FAM114A1: variants seen among roughly 807,000 people sequenced by gnomAD.
The protein encoded by FAM114A1 is protein NOXP20.
A neutral mutation model predicts 64.3 loss-of-function variants in FAM114A1; 62 were observed. That is an observed-to-expected ratio of 0.96 (90% CI 0.79 to 1.19). The LOEUF (loss-of-function observed/expected upper bound fraction) is 1.19. Ranked by LOEUF, FAM114A1 falls within the 50% of genes most tolerant of loss-of-function variation. FAM114A1 has a pLI of 0.00. For synonymous variants in FAM114A1, 254 were observed against 251.1 expected (o/e 1.01, Z -0.11); for missense variants, 645 against 676.3 (o/e 0.95, Z 0.51).
chr4:38,906,404 T>G (rs1718010623), intron 6 of FAM114A1, among the ~76,000 whole-genome samples: 1 of 152,160 alleles, frequency 6.6e-6, no homozygotes, highest in Admixed American at 6.5e-5. Flanking sequence ...CCTAGATCCC[T>G]GCCTACCTCT....
Position 38,931,473 on chromosome 4 carries a change from G to C in FAM114A1, c.1184G>C (p.Trp395Ser), listed in dbSNP as rs543980796. 63 of 1,613,782 alleles carry C rather than the reference G, an allele frequency of 3.9e-5. 1 individual carries two copies. The South Asian group carries it at 6.7e-4, about 17-fold the overall frequency. The change falls in exon 11 of 15, where the codon TGG becomes TCG. Residue 395 changes from tryptophan to serine, a missense_variant. Trp to Ser is a radical substitution (Grantham distance 177). Coordinates refer to ENST00000358869, the MANE Select transcript of FAM114A1 (RefSeq NM_138389.4). ...LNKAMKRAHD[W>S]VEEDQTVVSV... ...CAGGCCATGAAGAGGGCTCATGACT[G>C]GGTGGAAGAGGATCAAACCGTGGTG...
At chr4:38,929,481 T>G (rs1720450543) in intron 10 of FAM114A1, 148 bp downstream of exon 10, 2 of 641,334 alleles carry the variant, frequency 3.1e-6, no homozygotes, top group Non-Finnish European at 5.3e-6. Context: ...AGGTCAGTAA[T>G]TAAGATTTGA....
chr4:38,927,436 C>CT (rs1560326775), intron 9 of FAM114A1, among the ~76,000 whole-genome samples: 1 of 152,090 alleles, frequency 6.6e-6, no homozygotes, highest in African/African-American at 2.4e-5. Context: ...CCTGGGGCCT[C>CT]TTTTTTTAGG....
intron 2 of FAM114A1, among the ~76,000 whole-genome samples, chr4:38,872,163 A>G (rs1450643917): frequency 6.6e-6 from 1 of 152,250 alleles, no homozygotes; most frequent in Non-Finnish European, 1.5e-5. Flanking sequence ...TGAACCCTCT[A>G]AAAAGAGGTG....
rs572063712 is a variant in FAM114A1, at chr4:38,910,330, A to C, written c.792+1604A>C. Reference sequence around the variant, plus strand: ...GAAAGAACAACCACCCCTAAGTATCAGTGTGGCTTAGAACAAAAAGGTTTA... The same window carrying C: ...GAAAGAACAACCACCCCTAAGTATCCGTGTGGCTTAGAACAAAAAGGTTTA... On this transcript the variant is annotated intron_variant, in intron 7 of 14. Coordinates refer to ENST00000358869, the MANE Select transcript of FAM114A1 (RefSeq NM_138389.4). Among the ~76,000 whole-genome samples, 56 of 152,300 alleles carry C rather than the reference A, an allele frequency of 3.7e-4. 1 individual carries two copies. Among genetic ancestry groups the C allele is most frequent in the African/African-American group, 1.3e-3 (56 of 41,568 alleles).
At chr4:38,915,165 A>C in intron 8 of FAM114A1, 92 bp downstream of exon 8, 44 of 1,476,638 alleles carry the variant, frequency 3.0e-5, no homozygotes, top group Non-Finnish European at 3.8e-5. Context: ...AAAAGATCTC[A>C]TTTTTAGAGC....
At chr4:38,942,048 A>G (rs1426763034) in intron 14 of FAM114A1, among the ~76,000 whole-genome samples, 1 of 152,214 alleles carries the variant, frequency 6.6e-6, no homozygotes, top group Admixed American at 6.5e-5. Context: ...GAGCTTGTGC[A>G]GAGAAACTCC....
rs916430294 is a variant in FAM114A1 at position 38,880,144 on chromosome 4, A to G, written c.348+1718A>G. On this transcript the variant is annotated intron_variant, in intron 3 of 14. Transcript: ENST00000358869. ...AGAATAGAATAGAATAGAATAGAAT[A>G]GAATAGAATAGAATAGAATAGAATA... is the stretch of plus-strand genomic sequence containing the variant. Among the ~76,000 whole-genome samples, 29 of 113,426 alleles carry G rather than the reference A, an allele frequency of 2.6e-4. 2 individuals are homozygous for G. The South Asian group carries it at 3.6e-3, about 14-fold the overall frequency. 74.4% of individuals were successfully genotyped at this position (113,426 alleles called of 152,430 possible).
intron 8 of FAM114A1, among the ~76,000 whole-genome samples, chr4:38,916,633 G>A (rs552472786): frequency 6.6e-6 from 1 of 152,064 alleles, no homozygotes; most frequent in South Asian, 2.1e-4. Context: ...CACAGGGAGG[G>A]GAACATCACA....
intron 14 of FAM114A1, among the ~76,000 whole-genome samples, chr4:38,941,426 T>G (rs902331039): frequency 6.6e-6 from 1 of 152,218 alleles, no homozygotes; most frequent in African/African-American, 2.4e-5. Context: ...CTGGGTCTAA[T>G]GTCCAAGCTG....
At chr4:38,872,869 TCCAATA>T (rs1210535893) in intron 2 of FAM114A1, among the ~76,000 whole-genome samples, 5 of 152,308 alleles carry the variant, frequency 3.3e-5, no homozygotes, top group African/African-American at 1.2e-4. Flanking sequence ...GTATCTCTGG[TCCAATA>T]AAACTGTGTT....
intron 10 of FAM114A1, among the ~76,000 whole-genome samples, chr4:38,931,034 G>T (rs993721957): frequency 7.5e-4 from 114 of 152,258 alleles, no homozygotes; most frequent in Middle Eastern, 3.4e-3. Flanking sequence ...TATATCAGAT[G>T]AGGACATTTG....
rs774424186 is a variant in FAM114A1, at chr4:38,878,395, C to A, written c.317C>A (p.Ser106Tyr). ...GTCAGCCTTGAGGCAGAACCCAGAT[C>A]CGAAATACCCCTGCAAGAACAGAAT... ...DSVSLEAEPR[S>Y]EIPLQEQNYL... Residue 106 changes from serine (S) to tyrosine (Y), a missense_variant, in exon 3 of 15, where the codon TCC (serine) becomes TAC (tyrosine). Coordinates refer to ENST00000358869, the MANE Select transcript of FAM114A1 (RefSeq NM_138389.4). 2.5e-6 allele frequency: 4 copies of A among 1,602,892 alleles called. No homozygotes were observed. The Admixed American group carries it at 5.1e-5, about 21-fold the overall frequency.
At chr4:38,903,653 T>G (rs546542333) in intron 4 of FAM114A1, among the ~76,000 whole-genome samples, 1 of 152,320 alleles carries the variant, frequency 6.6e-6, no homozygotes, top group Non-Finnish European at 1.5e-5. Flanking sequence ...TATTGAAACT[T>G]CAATAAGTTT....
intron 4 of FAM114A1, 92 bp downstream of exon 4, chr4:38,891,922 C>A: frequency 1.7e-6 from 2 of 1,149,226 alleles, no homozygotes; most frequent in African/African-American, 1.6e-5. Context: ...TAGAGTTTAA[C>A]ATTAGCCCGT....
chr4:38,873,646 G>A (rs151321205), intron 2 of FAM114A1, among the ~76,000 whole-genome samples: 3 of 152,256 alleles, frequency 2.0e-5, no homozygotes, highest in South Asian at 4.2e-4. Context: ...TGGAGGAGGC[G>A]GTTATTTTAA....
At chr4:38,884,122 C>T (rs996495237) in intron 3 of FAM114A1, among the ~76,000 whole-genome samples, 5 of 152,110 alleles carry the variant, frequency 3.3e-5, no homozygotes, top group African/African-American at 9.7e-5. Flanking sequence ...AGTTGGGGTA[C>T]GGGGAATAAT....
intron 13 of FAM114A1, 104 bp from the exon 14 acceptor site, chr4:38,940,864 C>T: frequency 8.3e-7 from 1 of 1,199,126 alleles, no homozygotes; most frequent in Non-Finnish European, 1.2e-6. Flanking sequence ...CCCTCCTCTT[C>T]CTCTGCAAGA....
intron 4 of FAM114A1, among the ~76,000 whole-genome samples, chr4:38,897,299 T>C (rs547475963): frequency 4.0e-4 from 61 of 152,336 alleles, no homozygotes; most frequent in Non-Finnish European, 6.3e-4. Context: ...CCAGAATATG[T>C]TGATACCATA....
Sources: gnomAD v4.1 joint callset for allele counts (sites outside exome capture counted in the v4.1 genomes callset) on GRCh38, gnomAD v4.1.1 for gene constraint, MANE v1.5 for transcripts, NCBI Gene and HGNC (gene_info 2026-07-23, HGNC 2026-07-21) for gene names.